The following SCHIP1 variants were observed in gnomAD, a reference collection of about 807,000 sequenced individuals.
SCHIP1 encodes the protein schwannomin-interacting protein 1.
Under a neutral mutation model 29.7 loss-of-function variants are expected in SCHIP1, and 8 were observed. The ratio of observed to expected loss-of-function variants is 0.27; its 90% CI spans 0.16 to 0.49. The LOEUF is 0.49. SCHIP1 is among the 20% of genes least tolerant of loss of function. SCHIP1 has a pLI of 0.99. For missense variants in SCHIP1, 193 were observed against 294.6 expected (o/e 0.66, Z 2.52); for synonymous variants, 76 against 94.9 (o/e 0.80, Z 1.16).
At chr3:159,473,338 A>G in the SCHIP1 span, among the ~76,000 whole-genome samples, 2 of 152,146 alleles carry the variant, frequency 1.3e-5, no homozygotes, top group Non-Finnish European at 2.9e-5. Context: ...TGACTCTGTT[A>G]CTTTGTCATC....
At chr3:159,273,389 T>C in the SCHIP1 span, 2 of 1,000,704 alleles carry the variant, frequency 2.0e-6, no homozygotes, top group Non-Finnish European at 2.4e-6. Flanking sequence ...TTTATTGTAT[T>C]ATTTTTAATC....
chr3:159,374,226 A>T, the SCHIP1 span, among the ~76,000 whole-genome samples: 10 of 152,272 alleles, frequency 6.6e-5, no homozygotes, highest in Non-Finnish European at 1.3e-4. Flanking sequence ...AAGTATTTAG[A>T]CATAGGGTAG....
the SCHIP1 span, among the ~76,000 whole-genome samples, chr3:159,700,481 A>G: frequency 1.3e-5 from 2 of 152,202 alleles, no homozygotes; most frequent in Non-Finnish European, 2.9e-5. Context: ...GTACAGATGT[A>G]TGTAGGTAAG....
the SCHIP1 span, among the ~76,000 whole-genome samples, chr3:159,320,656 A>G: frequency 6.6e-6 from 1 of 151,912 alleles, no homozygotes; most frequent in Admixed American, 6.6e-5. Context: ...GGCTGGTTAA[A>G]TCCTGGGCAT....
the SCHIP1 span, among the ~76,000 whole-genome samples, chr3:159,507,903 A>C: frequency 6.6e-6 from 1 of 152,224 alleles, no homozygotes; most frequent in Non-Finnish European, 1.5e-5. Context: ...ATCGATATTC[A>C]TCAGGGATAT....
intron 2 of SCHIP1, among the ~76,000 whole-genome samples, chr3:159,870,990 T>C (rs1715197410): frequency 1.3e-5 from 2 of 152,144 alleles, no homozygotes; most frequent in African/African-American, 4.8e-5. Context: ...TATACATACT[T>C]TTTATTTCCT....
chr3:159,498,798 G>A, the SCHIP1 span, among the ~76,000 whole-genome samples: 2 of 152,100 alleles, frequency 1.3e-5, no homozygotes, highest in South Asian at 2.1e-4. Flanking sequence ...ATAAACATAT[G>A]CCATATTTCT....
the SCHIP1 span, among the ~76,000 whole-genome samples, chr3:159,469,886 T>C: frequency 1.3e-5 from 2 of 152,138 alleles, no homozygotes; most frequent in Non-Finnish European, 2.9e-5. Context: ...CTTGTTAATA[T>C]AAATGTTAAA....
the SCHIP1 span, among the ~76,000 whole-genome samples, chr3:159,511,371 C>T: frequency 6.6e-6 from 1 of 152,224 alleles, no homozygotes; most frequent in African/African-American, 2.4e-5. Context: ...TCTGTCACCG[C>T]TTTGCTTGGC....
the SCHIP1 span, among the ~76,000 whole-genome samples, chr3:159,744,158 A>T: frequency 6.6e-6 from 1 of 152,208 alleles, no homozygotes; most frequent in Non-Finnish European, 1.5e-5. Flanking sequence ...CTTAAAGTGG[A>T]GAGGTGAGAA....
the SCHIP1 span, among the ~76,000 whole-genome samples, chr3:159,344,607 A>C: frequency 1.3e-5 from 2 of 152,198 alleles, no homozygotes; most frequent in African/African-American, 4.8e-5. Flanking sequence ...AAAATACCTG[A>C]CTAGTACTTT....
chr3:159,667,937 G>A, the SCHIP1 span, among the ~76,000 whole-genome samples: 1 of 152,106 alleles, frequency 6.6e-6, no homozygotes, highest in Non-Finnish European at 1.5e-5. Flanking sequence ...TTTCAGTTTT[G>A]AAAATATTGC....
chr3:159,328,980 G>A, the SCHIP1 span, among the ~76,000 whole-genome samples: 1 of 152,122 alleles, frequency 6.6e-6, no homozygotes, highest in Non-Finnish European at 1.5e-5. Flanking sequence ...CATAATGTAG[G>A]TAAAGCAGCC....
At chr3:159,618,545 T>C in the SCHIP1 span, among the ~76,000 whole-genome samples, 9,576 of 152,290 alleles carry the variant, frequency 0.063, 1,017 homozygotes, top group African/African-American at 0.21. Context: ...TTGTGCAAAG[T>C]GTTCAACTAT....
chr3:159,763,749 T>G, the SCHIP1 span: 1 of 152,086 alleles, frequency 6.6e-6, no homozygotes, highest in East Asian at 1.9e-4. Flanking sequence ...GGCACACCTT[T>G]TGGGGAGGCG....
intron 1 of SCHIP1, among the ~76,000 whole-genome samples, chr3:159,843,393 A>G (rs908657918): frequency 1.3e-5 from 2 of 151,778 alleles, no homozygotes; most frequent in African/African-American, 4.8e-5. Context: ...TTATTTGTCT[A>G]TTTTCTGGCT....
At chr3:159,685,112 C>T in the SCHIP1 span, among the ~76,000 whole-genome samples, 1 of 152,136 alleles carries the variant, frequency 6.6e-6, no homozygotes, top group East Asian at 1.9e-4. Flanking sequence ...GTACCAGAAC[C>T]TGCATTTGGC....
At chr3:159,731,948 A>G in the SCHIP1 span, among the ~76,000 whole-genome samples, 1 of 152,082 alleles carries the variant, frequency 6.6e-6, no homozygotes, top group African/African-American at 2.4e-5. Context: ...TCTAGGTTCA[A>G]GCATTCTCCT....
At chr3:159,375,836 T>C in the SCHIP1 span, 1 of 758,880 alleles carries the variant, frequency 1.3e-6, no homozygotes, top group Non-Finnish European at 1.6e-6. Context: ...GAATCATCAA[T>C]GAAAGGATTT....
Sources: gnomAD v4.1 joint callset for allele counts (sites outside exome capture counted in the v4.1 genomes callset) on GRCh38, gnomAD v4.1.1 for gene constraint, MANE v1.5 for transcripts, NCBI Gene and HGNC (gene_info 2026-07-23, HGNC 2026-07-21) for gene names.